Variants in NELL2 observed in about 807,000 individuals in gnomAD.
The protein encoded by NELL2 is protein kinase C-binding protein NELL2.
Under a neutral mutation model 109.6 loss-of-function variants are expected in NELL2, and 41 were observed. The ratio of observed to expected loss-of-function variants is 0.37; its 90% CI spans 0.29 to 0.49. NELL2 has a LOEUF of 0.49. Among genes scored for constraint, NELL2 ranks in the 20% least tolerant of loss-of-function variants. The probability of loss-of-function intolerance (pLI) is 0.98; values close to 1 mark genes in which losing one functional copy is unlikely to be tolerated. For missense variants in NELL2, 900 were observed against 1,008.3 expected, an observed-to-expected ratio of 0.89 and a Z score of 1.45; for synonymous variants, 355 against 344.7, an observed-to-expected ratio of 1.03 and a Z score of -0.33.
At chr12:44,737,815 T>C (rs1939730288) in intron 9 of NELL2, among the ~76,000 whole-genome samples, 2 of 152,082 alleles carry the variant, frequency 1.3e-5, no homozygotes, top group Non-Finnish European at 1.5e-5. Flanking sequence ...CAAGAGAGAA[T>C]TCTTGTTCTT....
At chr12:44,838,497 T>G (rs1361947334) in intron 2 of NELL2, among the ~76,000 whole-genome samples, 2 of 152,196 alleles carry the variant, frequency 1.3e-5, no homozygotes, top group East Asian at 3.9e-4. Context: ...TTAACCTCAC[T>G]GGGCCCTGGT....
intron 15 of NELL2, among the ~76,000 whole-genome samples, chr12:44,553,956 G>A (rs1045827013): frequency 2.6e-5 from 4 of 152,198 alleles, no homozygotes; most frequent in South Asian, 2.1e-4. Flanking sequence ...GTAGTAAAGC[G>A]CAAATATTTT....
chr12:44,750,001 G>A (rs1293543365), intron 9 of NELL2, among the ~76,000 whole-genome samples: 1 of 151,712 alleles, frequency 6.6e-6, no homozygotes, highest in Non-Finnish European at 1.5e-5. Context: ...AATTAGAAAA[G>A]GTATATATAT....
chr12:44,570,965 C>T (rs1028100429), intron 15 of NELL2, among the ~76,000 whole-genome samples: 1 of 152,190 alleles, frequency 6.6e-6, no homozygotes, highest in African/African-American at 2.4e-5. Flanking sequence ...ATGGAAGCTG[C>T]ACTGACAAAC....
intron 15 of NELL2, among the ~76,000 whole-genome samples, chr12:44,540,896 A>G (rs1942530393): frequency 6.6e-6 from 1 of 151,900 alleles, no homozygotes; most frequent in Non-Finnish European, 1.5e-5. Context: ...AGAAAAGTCT[A>G]TAACATTTAA....
At chr12:44,514,768 A>C (rs1452799095) in intron 19 of NELL2, among the ~76,000 whole-genome samples, 1 of 151,446 alleles carries the variant, frequency 6.6e-6, no homozygotes, top group Non-Finnish European at 1.5e-5. Flanking sequence ...AAAAGACATA[A>C]AACTTATTAA....
chr12:44,544,483 G>T lies in NELL2; in HGVS notation c.1664-11762C>A, dbSNP rs564307013. Among the ~76,000 whole-genome samples, 5 of 152,192 alleles carry T rather than the reference G, an allele frequency of 3.3e-5. No individual in the cohort carries two copies. The South Asian group carries it at 1.0e-3, about 32-fold the overall frequency. ...CATATGCCATCTTTGGGAGTTATGA[G>T]AAAATAGTCCCTCAGGTAATTTTCT... On this transcript the variant is annotated intron_variant, in intron 15 of 19. Transcript: ENST00000429094.
At chr12:44,919,174 C>A (rs1410916089) in intron 1 of NELL2, among the ~76,000 whole-genome samples, 2 of 152,156 alleles carry the variant, frequency 1.3e-5, no homozygotes, top group Admixed American at 6.5e-5. Context: ...AACTGCCTAT[C>A]TGTAACAATT....
At chr12:44,711,215 TTTC>T in intron 11 of NELL2, 74 bp downstream of exon 11, 1 of 1,082,696 alleles carries the variant, frequency 9.2e-7, no homozygotes, top group South Asian at 1.3e-5. Context: ...CTTATGAGAA[TTTC>T]TACTTCATGT....
At chr12:44,539,518 C>T (rs1014672551) in intron 15 of NELL2, among the ~76,000 whole-genome samples, 1 of 151,960 alleles carries the variant, frequency 6.6e-6, no homozygotes, top group African/African-American at 2.4e-5. Flanking sequence ...ATGTATTGTG[C>T]ATATTTTGCC....
chr12:44,589,679 T>C (rs1944673250), intron 15 of NELL2, among the ~76,000 whole-genome samples: 1 of 152,198 alleles, frequency 6.6e-6, no homozygotes, highest in African/African-American at 2.4e-5. Flanking sequence ...ACACTACTTT[T>C]AAGCGATGCT....
rs145396895 is a variant in NELL2, at chr12:44,672,825, T to A, written c.1319-7216A>T. ...AAAAACTGTCTCTCAATGTTCAGTG[T>A]TGGGTCTACATCCCAGAGGCTTAGG... On this transcript the variant is annotated intron_variant, in intron 12 of 19. Transcript: ENST00000429094. Among the ~76,000 whole-genome samples, 214 of 152,348 alleles carry A rather than the reference T, an allele frequency of 1.4e-3. 1 individual carries two copies. The highest frequency in any genetic ancestry group is 3.8e-3 in the African/African-American group (157 of 41,586).
intron 12 of NELL2, among the ~76,000 whole-genome samples, chr12:44,698,884 A>G (rs1023823092): frequency 6.6e-6 from 1 of 152,206 alleles, no homozygotes; most frequent in Admixed American, 6.5e-5. Context: ...AAACTTCTTC[A>G]TTGTAATGCG....
chr12:44,714,567 T>A, intron 10 of NELL2, 83 bp downstream of exon 10: 1 of 748,442 alleles, frequency 1.3e-6, no homozygotes, highest in Non-Finnish European at 2.2e-6. Context: ...CAAAAATGTA[T>A]TTCAAGGTTG....
At chr12:44,780,150 T>C (rs1941903260) in intron 3 of NELL2, 128 bp from the exon 4 acceptor site, 2 of 912,498 alleles carry the variant, frequency 2.2e-6, no homozygotes, top group African/African-American at 3.4e-5. Flanking sequence ...CTAGACATCA[T>C]ATACAAAACA....
intron 15 of NELL2, among the ~76,000 whole-genome samples, chr12:44,581,477 A>G (rs1161418067): frequency 3.9e-5 from 6 of 152,170 alleles, no homozygotes; most frequent in Admixed American, 3.3e-4. Flanking sequence ...TTAAACACCA[A>G]CAATCAACCT....
chr12:44,823,675 G>A (rs1248241374), intron 2 of NELL2, among the ~76,000 whole-genome samples: 1 of 152,158 alleles, frequency 6.6e-6, no homozygotes, highest in Non-Finnish European at 1.5e-5. Flanking sequence ...AGCTTGGGTA[G>A]TGTCAATAAT....
intron 2 of NELL2, among the ~76,000 whole-genome samples, chr12:44,854,936 G>T (rs765498009): frequency 1.2e-4 from 18 of 152,010 alleles, no homozygotes; most frequent in Non-Finnish European, 2.6e-4. Context: ...CCATAAAGAT[G>T]AGTCACATAA....
Position 44,875,417 on chromosome 12 carries a change from C to T in NELL2, c.56-64G>A, listed in dbSNP as rs576431508. On this transcript the variant is annotated intron_variant, in intron 1 of 19. Transcript: ENST00000429094. Reference sequence around the variant, plus strand: ...AGCTCCATCAAAATGCAAGTCTCTTCCTCCAGGGCAGCAAAGAACCGCGTT... The same window carrying T: ...AGCTCCATCAAAATGCAAGTCTCTTTCTCCAGGGCAGCAAAGAACCGCGTT... 1.5e-4 allele frequency: 243 copies of T among 1,613,798 alleles called. 1 individual carries two copies. Among genetic ancestry groups the T allele is most frequent in the Non-Finnish European group, 1.9e-4 (226 of 1,179,930 alleles).
Sources: allele counts gnomAD v4.1 joint callset (sites outside exome capture counted in the v4.1 genomes callset), GRCh38; gene constraint gnomAD v4.1.1; transcripts MANE v1.5; gene names NCBI Gene and HGNC (gene_info 2026-07-23, HGNC 2026-07-21).